ABI1: variants seen among roughly 807,000 people sequenced by gnomAD.
The protein encoded by ABI1 is Abelson interactor 1.
A neutral mutation model predicts 54.6 loss-of-function variants in ABI1; 14 were observed. The observed-to-expected ratio is 0.26, with a 90% CI of 0.17 to 0.40. The LOEUF is 0.40. ABI1 is among the 10% of genes least tolerant of loss of function. ABI1 has a pLI of 1.00. For missense variants in ABI1, 443 were observed against 598.3 expected, an observed-to-expected ratio of 0.74 and a Z score of 2.71; for synonymous variants, 194 against 209.3, an observed-to-expected ratio of 0.93 and a Z score of 0.63.
chr10:26,771,115 GA>G (rs750339597), intron 3 of ABI1, 26 bp from the exon 4 acceptor site: 372 of 1,612,834 alleles, frequency 2.3e-4, no homozygotes, highest in South Asian at 1.2e-3. Context: ...AAAAGGGGGG[GA>G]AAAAGTAGAC....
chr10:26,822,305 G>A (rs1240698074), intron 2 of ABI1, among the ~76,000 whole-genome samples: 4 of 152,048 alleles, frequency 2.6e-5, no homozygotes, highest in African/African-American at 7.2e-5. Flanking sequence ...AAACAATTTG[G>A]TAGGTTCTTC....
intron 2 of ABI1, among the ~76,000 whole-genome samples, chr10:26,780,464 G>T (rs898263866): frequency 1.3e-5 from 2 of 152,140 alleles, no homozygotes; most frequent in African/African-American, 2.4e-5. Flanking sequence ...GAACTCCTGG[G>T]CTCAAGCAAT....
chr10:26,782,897 G>A (rs1842311673), intron 2 of ABI1, among the ~76,000 whole-genome samples: 1 of 152,084 alleles, frequency 6.6e-6, no homozygotes, highest in South Asian at 2.1e-4. Flanking sequence ...TTGTGCACTT[G>A]CAGTCACTCT....
intron 2 of ABI1, among the ~76,000 whole-genome samples, chr10:26,818,158 CAAAAAAAAAAAAAAAAAAAAAA>C (rs397696005): frequency 2.6e-4 from 12 of 45,444 alleles, no homozygotes; most frequent in Admixed American, 8.6e-4. Flanking sequence ...GACTCCATCT[CAAAAAAAAAAAAAAAAAAAAAA>C]AAAAAAAAAA....
At chr10:26,858,602 T>A (rs1414336115) in intron 1 of ABI1, among the ~76,000 whole-genome samples, 3 of 133,048 alleles carry the variant, frequency 2.3e-5, no homozygotes, top group African/African-American at 8.3e-5. Context: ...ACCATGGCAC[T>A]AACATTTTAT....
intron 9 of ABI1, 82 bp downstream of exon 9, chr10:26,755,573 G>A: frequency 9.1e-7 from 1 of 1,098,894 alleles, no homozygotes; most frequent in Non-Finnish European, 1.4e-6. Context: ...TAAAAGTAAG[G>A]AAAACGATGA....
At chr10:26,759,785 G>T (rs1038810775) in intron 7 of ABI1, among the ~76,000 whole-genome samples, 10 of 151,712 alleles carry the variant, frequency 6.6e-5, no homozygotes, top group Non-Finnish European at 1.3e-4. Context: ...TAATATTTTT[G>T]AGTTTTTATT....
intron 1 of ABI1, among the ~76,000 whole-genome samples, chr10:26,830,041 T>C (rs1478283177): frequency 6.6e-6 from 1 of 152,186 alleles, no homozygotes; most frequent in Non-Finnish European, 1.5e-5. Flanking sequence ...GAGTTTCATA[T>C]AAATAGAATT....
chr10:26,759,550 T>C (rs978022399), intron 7 of ABI1, among the ~76,000 whole-genome samples: 4 of 152,162 alleles, frequency 2.6e-5, no homozygotes, highest in African/African-American at 9.7e-5. Context: ...CATTTTCAAA[T>C]ACATAGCTTT....
chr10:26,839,096 C>T (rs2049301114), intron 1 of ABI1, among the ~76,000 whole-genome samples: 1 of 152,168 alleles, frequency 6.6e-6, no homozygotes, highest in African/African-American at 2.4e-5. Flanking sequence ...AATTGATGTT[C>T]TACACATAGG....
intron 7 of ABI1, among the ~76,000 whole-genome samples, chr10:26,761,195 T>C (rs1839106321): frequency 6.6e-6 from 1 of 151,936 alleles, no homozygotes; most frequent in Non-Finnish European, 1.5e-5. Context: ...CACCTTGGCC[T>C]CCCAAAATGC....
Position 26,751,656 on chromosome 10 carries a change from A to G in ABI1, c.1212T>C (p.Tyr404=). ...YEDEEAAVVQ[Y]NDPYADGDPA... is the part of the protein sequence containing the mutation. The stretch of plus-strand genomic sequence containing the variant: ...GATCCCCATCTGCATATGGATCATT[A>G]TACTGAACTACTGCAGCCTCCTCAT... Residue 404 remains tyrosine (Y), a synonymous_variant, in exon 10 of 11, where the codon TAT becomes TAC. Transcript: ENST00000376140. 6.2e-7 allele frequency: 1 copy of G among 1,614,078 alleles called. No homozygotes were observed. The highest frequency in any genetic ancestry group is 8.5e-7 in the Non-Finnish European group (1 of 1,179,990).
chr10:26,850,245 A>T (rs977380622), intron 1 of ABI1, among the ~76,000 whole-genome samples: 2 of 152,240 alleles, frequency 1.3e-5, no homozygotes, highest in Non-Finnish European at 2.9e-5. Context: ...CTAAGGTTAC[A>T]TTTTTCATAA....
chr10:26,804,308 G>A (rs939293907), intron 2 of ABI1, among the ~76,000 whole-genome samples: 20 of 151,960 alleles, frequency 1.3e-4, no homozygotes, highest in African/African-American at 4.4e-4. Context: ...TCTTGAACCC[G>A]GGAGACAGAG....
chr10:26,860,700 C>G lies in ABI1; in HGVS notation c.117+47G>C, dbSNP rs765148682. The G allele has an allele frequency of 3.4e-6, 5 of 1,490,568 alleles. No homozygotes were observed. The African/African-American group carries it at 6.9e-5, about 21-fold the overall frequency. The allele number at this position is 1,490,568 out of a possible 1,614,324, so 92.3% of individuals were successfully genotyped here. A position where few individuals can be genotyped will look rare whatever the true frequency, so the allele number is the denominator to read the frequency against. ...CCGCCCAGTGGGCTGGTCACTCCGG[C>G]GGGTCCTCGACCCGGCCAGCGCCCG... On this transcript the variant is annotated intron_variant, in intron 1 of 10. Transcript: ENST00000376140. The surrounding 1 kb of genome is among the most constrained non-coding windows in gnomAD (Gnocchi z 4.1).
rs1335161589 is a variant in ABI1, at chr10:26,747,536, C to G, written c.*1034G>C. ...TACAATATGTAAAAGGTACTTTTAA[C>G]TTCCTTTCATTGAACCAGTGTACAA... On this transcript the variant is annotated 3_prime_UTR_variant, in exon 11 of 11. Transcript: ENST00000376140. 2 of 204,638 alleles carry G rather than the reference C, an allele frequency of 9.8e-6. No homozygotes were observed. Among genetic ancestry groups the G allele is most frequent in the Non-Finnish European group, 2.0e-5 (2 of 100,004 alleles). 12.7% of individuals were successfully genotyped at this position (204,638 alleles called of 1,614,324 possible). A position where few individuals can be genotyped will look rare whatever the true frequency, so the allele number is the denominator to read the frequency against.
intron 1 of ABI1, among the ~76,000 whole-genome samples, chr10:26,825,888 C>T (rs183718815): frequency 9.3e-4 from 141 of 152,312 alleles, no homozygotes; most frequent in African/African-American, 3.0e-3. Flanking sequence ...GCCACTTCTT[C>T]GGGCTCCAAT....
At chr10:26,844,408 C>T (rs943303769) in intron 1 of ABI1, among the ~76,000 whole-genome samples, 2 of 152,164 alleles carry the variant, frequency 1.3e-5, no homozygotes, top group Non-Finnish European at 2.9e-5. Flanking sequence ...TATAAAAATA[C>T]CAACAATCTG....
chr10:26,825,371 T>C (rs563366234), intron 1 of ABI1, among the ~76,000 whole-genome samples: 1 of 151,164 alleles, frequency 6.6e-6, no homozygotes, highest in Admixed American at 6.6e-5. Context: ...GAAAAAAAAA[T>C]TTTTTTTGGC....
Sources: gnomAD v4.1 joint callset for allele counts (sites outside exome capture counted in the v4.1 genomes callset) on GRCh38, gnomAD v4.1.1 for gene constraint, Gnocchi (gnomAD v3.1) non-coding constraint, MANE v1.5 for transcripts, NCBI Gene and HGNC (gene_info 2026-07-23, HGNC 2026-07-21) for gene names.